Variants in RAD51B observed in about 807,000 individuals in gnomAD.
The protein encoded by RAD51B is RAD51 paralog B.
In RAD51B, 38 loss-of-function variants were observed where a neutral mutation model predicts 42.2. That is an observed-to-expected ratio of 0.90 (90% CI 0.70 to 1.18). RAD51B has a LOEUF of 1.18. Among genes scored for constraint, RAD51B ranks in the 50% most tolerant of loss-of-function variants. RAD51B has a pLI of 0.00. For synonymous variants in RAD51B, 154 were observed against 145.2 expected, an observed-to-expected ratio of 1.06 and a Z score of -0.43; for missense variants, 373 against 400.7, an observed-to-expected ratio of 0.93 and a Z score of 0.59.
chr14:68,310,198 C>A (rs556093956), intron 8 of RAD51B, among the ~76,000 whole-genome samples: 61 of 152,242 alleles, frequency 4.0e-4, no homozygotes, highest in African/African-American at 1.5e-3. Context: ...CACCTCTCTC[C>A]TGTGTAAAAG....
At chr14:68,599,870 G>C (rs1358643804), downstream of RAD51B, among the ~76,000 whole-genome samples, 2 of 152,144 alleles carry the variant, frequency 1.3e-5, no homozygotes, top group Admixed American at 6.5e-5. Context: ...TCCTCCCCAG[G>C]GGCTCCCGAA....
chr14:68,177,905 T>G (rs2078991677), intron 7 of RAD51B, among the ~76,000 whole-genome samples: 1 of 152,184 alleles, frequency 6.6e-6, no homozygotes, highest in South Asian at 2.1e-4. Context: ...CCTACTCAGA[T>G]ATCTTTAACA....
intron 3 of RAD51B, among the ~76,000 whole-genome samples, chr14:67,826,719 A>G (rs902070400): frequency 1.3e-5 from 2 of 149,048 alleles, no homozygotes; most frequent in African/African-American, 4.9e-5. Context: ...GTCTGTCTCT[A>G]TTTCTCTGGC....
At chr14:67,881,211 A>G (rs2042896569) in intron 5 of RAD51B, among the ~76,000 whole-genome samples, 1 of 152,214 alleles carries the variant, frequency 6.6e-6, no homozygotes, top group Non-Finnish European at 1.5e-5. Context: ...AAATGTCGTT[A>G]TGCAGCACAT....
chr14:68,056,777 A>G (rs1005524500), intron 7 of RAD51B, among the ~76,000 whole-genome samples: 1 of 151,714 alleles, frequency 6.6e-6, no homozygotes, highest in Non-Finnish European at 1.5e-5. Flanking sequence ...AAAATAATAA[A>G]TAAAATAAGA....
At chr14:67,857,006 A>G (rs1003283919) in intron 4 of RAD51B, among the ~76,000 whole-genome samples, 1 of 152,150 alleles carries the variant, frequency 6.6e-6, no homozygotes, top group Non-Finnish European at 1.5e-5. Context: ...CTGGTTTGGC[A>G]TGTTTTCTCT....
At chr14:68,455,279 T>C (rs1345827570) in intron 9 of RAD51B, among the ~76,000 whole-genome samples, 2 of 152,224 alleles carry the variant, frequency 1.3e-5, no homozygotes, top group Non-Finnish European at 2.9e-5. Context: ...CCAGCAATAT[T>C]ATCCTTCAAA....
intron 7 of RAD51B, among the ~76,000 whole-genome samples, chr14:67,907,217 G>T (rs982081860): frequency 6.6e-6 from 1 of 151,762 alleles, no homozygotes; most frequent in African/African-American, 2.4e-5. Flanking sequence ...ATGGTTTTTC[G>T]TGACTCAATT....
intron 7 of RAD51B, among the ~76,000 whole-genome samples, chr14:68,232,347 A>G (rs1367680872): frequency 6.6e-6 from 1 of 151,930 alleles, no homozygotes. Flanking sequence ...TGGTACTGGC[A>G]GGTTAACAAC....
At chr14:68,630,728 C>T (rs1349110035) in intron 10 of RAD51B, among the ~76,000 whole-genome samples, 1 of 151,878 alleles carries the variant, frequency 6.6e-6, no homozygotes, top group Non-Finnish European at 1.5e-5. Context: ...TCCTTTTTTT[C>T]GTATGTTCTA....
chr14:68,540,560 C>A, intron 10 of RAD51B: 5 of 985,338 alleles, frequency 5.1e-6, no homozygotes, highest in Non-Finnish European at 6.0e-6. Context: ...TAAGTATTTG[C>A]AAAACTGGGC....
At chr14:67,942,762 A>T (rs1277267653) in intron 7 of RAD51B, among the ~76,000 whole-genome samples, 2 of 152,214 alleles carry the variant, frequency 1.3e-5, no homozygotes, top group Non-Finnish European at 2.9e-5. Flanking sequence ...AAGAACATTT[A>T]TACATATAGC....
chr14:68,329,275 T>G (rs2082302601), intron 8 of RAD51B, among the ~76,000 whole-genome samples: 1 of 152,214 alleles, frequency 6.6e-6, no homozygotes, highest in Admixed American at 6.5e-5. Context: ...CCCAAAGTGC[T>G]GGAATTACAG....
At position 68,244,204 on chromosome 14, in the gene RAD51B, GA is replaced by G. The variant is rs554161836; in HGVS notation, c.757-47670del. 6.7e-5 allele frequency among the ~76,000 whole-genome samples: 10 copies of G among 149,498 alleles called. No individual in the cohort carries two copies. The East Asian group carries it at 1.6e-3, about 23-fold the overall frequency. On this transcript the variant is annotated intron_variant, in intron 7 of 10. Coordinates refer to ENST00000471583, the MANE Select transcript of RAD51B (RefSeq NM_133510.4). ...ATAAGATATATTTGACCTTAGGAGT[GA>G]AAAAAAAAATCTTAACGGGAATCCT...
intron 8 of RAD51B, among the ~76,000 whole-genome samples, chr14:68,389,512 A>G (rs562082116): frequency 4.6e-5 from 7 of 152,326 alleles, no homozygotes; most frequent in Non-Finnish European, 7.4e-5. Context: ...TAATCCTACT[A>G]CATTAATATG....
chr14:68,055,330 G>C (rs2076457210), intron 7 of RAD51B, among the ~76,000 whole-genome samples: 1 of 152,020 alleles, frequency 6.6e-6, no homozygotes, highest in Non-Finnish European at 1.5e-5. Context: ...GAGAATTTTT[G>C]CCTTTAGTGA....
intron 8 of RAD51B, among the ~76,000 whole-genome samples, chr14:68,314,521 C>T (rs2082020037): frequency 1.3e-5 from 2 of 152,172 alleles, no homozygotes. Flanking sequence ...GGCATTTGTT[C>T]ATACATTGGA....
At chr14:68,241,725 T>C (rs1260980544) in intron 7 of RAD51B, among the ~76,000 whole-genome samples, 1 of 152,114 alleles carries the variant, frequency 6.6e-6, no homozygotes, top group Non-Finnish European at 1.5e-5. Flanking sequence ...GCCCTCTCCC[T>C]GCAAGCAGTC....
intron 7 of RAD51B, among the ~76,000 whole-genome samples, chr14:68,076,324 A>G (rs1333581711): frequency 6.6e-6 from 1 of 152,226 alleles, no homozygotes; most frequent in African/African-American, 2.4e-5. Context: ...AACCATGTGC[A>G]GAAATCAATT....
Sources: allele counts gnomAD v4.1 joint callset (sites outside exome capture counted in the v4.1 genomes callset), GRCh38; gene constraint gnomAD v4.1.1; transcripts MANE v1.5; gene names NCBI Gene and HGNC (gene_info 2026-07-23, HGNC 2026-07-21).